DYNC1I1: variants seen among roughly 807,000 people sequenced by gnomAD.
DYNC1I1 encodes dynein cytoplasmic 1 intermediate chain 1, also known as cytoplasmic dynein 1 intermediate chain 1.
A neutral mutation model predicts 86.6 loss-of-function variants in DYNC1I1; 43 were observed. The observed-to-expected ratio is 0.50, with a 90% CI of 0.39 to 0.64. The LOEUF (loss-of-function observed/expected upper bound fraction) is 0.64, where lower values mean the gene tolerates loss of function less well. DYNC1I1 is among the 30% of genes least tolerant of loss of function. The probability of loss-of-function intolerance (pLI) is 0.00; values close to 1 mark genes in which losing one functional copy is unlikely to be tolerated. For synonymous variants in DYNC1I1, 262 were observed against 283.7 expected (o/e 0.92, Z 0.77); for missense variants, 604 against 788.8 (o/e 0.77, Z 2.81).
At chr7:95,864,205 T>C (rs1789961710) in intron 5 of DYNC1I1, among the ~76,000 whole-genome samples, 1 of 152,174 alleles carries the variant, frequency 6.6e-6, no homozygotes, top group African/African-American at 2.4e-5. Context: ...GACAAAAGTG[T>C]CAATTGAACC....
At chr7:96,104,089 ATTTC>A (rs1791178750) in intron 16 of DYNC1I1, among the ~76,000 whole-genome samples, 1 of 152,062 alleles carries the variant, frequency 6.6e-6, no homozygotes, top group Non-Finnish European at 1.5e-5. Flanking sequence ...TTAATATATT[ATTTC>A]TTCTTTCTGT....
chr7:95,844,055 A>T (rs1789361266), intron 5 of DYNC1I1, among the ~76,000 whole-genome samples: 1 of 152,194 alleles, frequency 6.6e-6, no homozygotes, highest in Non-Finnish European at 1.5e-5. Context: ...TTCCCATGAG[A>T]TTACCAGTCT....
chr7:96,031,708 A>G (rs562969803), intron 11 of DYNC1I1, among the ~76,000 whole-genome samples: 1 of 152,280 alleles, frequency 6.6e-6, no homozygotes, highest in East Asian at 1.9e-4. Context: ...GTGGCTAGGT[A>G]TTATGGACAG....
At chr7:96,075,137 C>A (rs1790291568) in intron 14 of DYNC1I1, among the ~76,000 whole-genome samples, 1 of 152,192 alleles carries the variant, frequency 6.6e-6, no homozygotes, top group Non-Finnish European at 1.5e-5. Flanking sequence ...AGTCCAATTA[C>A]GTTTTATTTC....
intron 13 of DYNC1I1, 50 bp downstream of exon 13, chr7:96,035,802 C>T (rs1233739019): frequency 1.3e-6 from 2 of 1,594,334 alleles, no homozygotes; most frequent in South Asian, 2.3e-5. Context: ...TTCCGAAAGT[C>T]TGTTATCACA....
rs776143490 is a variant in DYNC1I1 at position 96,028,239 on chromosome 7, C to T, written c.1034C>T (p.Ser345Leu). ...AACTTGGTGGTTGGTGGGACTTACT[C>T]GGGCCAGATTGTCCTCTGGGACAAT... ...HPNLVVGGTY[S>L]GQIVLWDNRS... The change falls in exon 11 of 17, where the codon TCG becomes TTG. Residue 345 changes from serine to leucine, a missense_variant. By Grantham distance (145) the Ser-to-Leu change is moderately radical. Transcript: ENST00000447467. 6.2e-7 allele frequency: 1 copy of T among 1,613,906 alleles called. No homozygotes were observed. The highest frequency in any genetic ancestry group is 1.1e-5 in the South Asian group (1 of 91,056).
At chr7:95,863,040 C>T (rs1442049454) in intron 5 of DYNC1I1, among the ~76,000 whole-genome samples, 3 of 152,020 alleles carry the variant, frequency 2.0e-5, no homozygotes, top group Non-Finnish European at 2.9e-5. Context: ...ACATGTGGAA[C>T]TTGTGGATTC....
intron 1 of DYNC1I1, among the ~76,000 whole-genome samples, chr7:95,788,487 C>T (rs1794206524): frequency 6.6e-6 from 1 of 152,168 alleles, no homozygotes; most frequent in African/African-American, 2.4e-5. Flanking sequence ...GTCCAGGGAA[C>T]ATTTGTCACA....
At chr7:95,928,674 T>A (rs1791809160) in intron 6 of DYNC1I1, among the ~76,000 whole-genome samples, 1 of 152,204 alleles carries the variant, frequency 6.6e-6, no homozygotes, top group Non-Finnish European at 1.5e-5. Flanking sequence ...TGTTCTCTGT[T>A]GCCTTTTACC....
intron 14 of DYNC1I1, among the ~76,000 whole-genome samples, chr7:96,060,294 G>A (rs149279313): frequency 1.4e-4 from 22 of 152,172 alleles, no homozygotes; most frequent in South Asian, 2.1e-4. Flanking sequence ...AGTCTCTCAC[G>A]ACTGTAGCAA....
intron 2 of DYNC1I1, among the ~76,000 whole-genome samples, chr7:95,806,526 A>G (rs1213205538): frequency 6.6e-6 from 1 of 152,188 alleles, no homozygotes; most frequent in Non-Finnish European, 1.5e-5. Context: ...TGGACTCTAG[A>G]CATTCCTGGT....
At chr7:95,818,206 T>C (rs1394624162) in intron 4 of DYNC1I1, among the ~76,000 whole-genome samples, 2 of 51,422 alleles carry the variant, frequency 3.9e-5, no homozygotes, top group East Asian at 7.4e-4. Flanking sequence ...AATTTTTGTC[T>C]TTTTTTTTTT....
At chr7:95,863,646 C>T (rs1364693939) in intron 5 of DYNC1I1, among the ~76,000 whole-genome samples, 2 of 152,022 alleles carry the variant, frequency 1.3e-5, no homozygotes, top group Admixed American at 6.6e-5. Flanking sequence ...AATTTTTGGC[C>T]TTTATTTTTC....
intron 1 of DYNC1I1, among the ~76,000 whole-genome samples, chr7:95,793,481 A>G (rs927983455): frequency 2.0e-5 from 3 of 152,008 alleles, no homozygotes; most frequent in Admixed American, 1.3e-4. Context: ...AGGGAATGGA[A>G]GTTGCGGCCT....
chr7:96,034,091 A>G (rs918041309), intron 12 of DYNC1I1, among the ~76,000 whole-genome samples: 3 of 151,998 alleles, frequency 2.0e-5, no homozygotes, highest in Non-Finnish European at 2.9e-5. Context: ...TGAAGAACCA[A>G]CCTCCTTTAA....
chr7:95,909,170 G>A (rs1427566527), intron 6 of DYNC1I1, among the ~76,000 whole-genome samples: 1 of 134,596 alleles, frequency 7.4e-6, no homozygotes, highest in Non-Finnish European at 1.5e-5. Flanking sequence ...GAGGAGCTCA[G>A]TAATGAGACA....
chr7:95,855,519 T>C (rs1789695475), intron 5 of DYNC1I1, among the ~76,000 whole-genome samples: 1 of 152,208 alleles, frequency 6.6e-6, no homozygotes, highest in Admixed American at 6.5e-5. Flanking sequence ...GTTAAAGTCA[T>C]GTGTTGCTTA....
intron 6 of DYNC1I1, among the ~76,000 whole-genome samples, chr7:95,973,038 T>C (rs544537012): frequency 6.6e-6 from 1 of 152,324 alleles, no homozygotes; most frequent in East Asian, 1.9e-4. Flanking sequence ...TGTGTGGACC[T>C]GGATAAGGGA....
intron 6 of DYNC1I1, among the ~76,000 whole-genome samples, chr7:95,912,850 TTGG>T (rs1791374446): frequency 6.6e-6 from 1 of 152,294 alleles, no homozygotes; most frequent in South Asian, 2.1e-4. Context: ...AGGCAGGAGA[TTGG>T]TGGGCTACAG....
Sources: allele counts gnomAD v4.1 joint callset (sites outside exome capture counted in the v4.1 genomes callset), GRCh38; gene constraint gnomAD v4.1.1; transcripts MANE v1.5; gene names NCBI Gene and HGNC (gene_info 2026-07-23, HGNC 2026-07-21).